KIF24: variants seen among roughly 807,000 people sequenced by gnomAD.
The protein encoded by KIF24 is kinesin family member 24.
A neutral mutation model predicts 118.9 loss-of-function variants in KIF24; 81 were observed. The ratio of observed to expected loss-of-function variants is 0.68; its 90% confidence interval spans 0.57 to 0.82. The LOEUF (loss-of-function observed/expected upper bound fraction) is 0.82, where lower values mean the gene tolerates loss of function less well. Among genes scored for constraint, KIF24 ranks in the 40% least tolerant of loss-of-function variants. The probability of loss-of-function intolerance (pLI) is 0.00; values close to 1 mark genes in which losing one functional copy is unlikely to be tolerated. For missense variants in KIF24, 1,560 were observed against 1,661.6 expected, an observed-to-expected ratio of 0.94 and a Z score of 1.06; for synonymous variants, 599 against 610.0, an observed-to-expected ratio of 0.98 and a Z score of 0.27.
At chr9:34,271,960 C>T (rs1197484903) in intron 6 of KIF24, 30 bp from the exon 7 acceptor site, 1 of 1,558,888 alleles carries the variant, frequency 6.4e-7, no homozygotes, top group Non-Finnish European at 8.7e-7. Context: ...GATGACTTCC[C>T]CAAGGAGTAA....
Position 34,269,359 on chromosome 9 carries a change from G to C in KIF24, c.1341C>G (p.Ile447Met). ...KDSAKRTFGR[I>M]SFIDLAGSER... ...CACTGCCAGCCAAGTCAATAAAAGA[G>C]ATCCTAGAGAAAAGACACAGCAGGA... is the stretch of plus-strand genomic sequence containing the variant. Residue 447 changes from isoleucine (I) to methionine (M), a missense_variant, in exon 8 of 13, where the codon ATC becomes ATG. Around this residue, in one of 3 missense-constraint regions of KIF24, gnomAD observed 964 missense variants for 988.0 expected, o/e 0.98. Coordinates refer to ENST00000402558, the MANE Select transcript of KIF24 (RefSeq NM_194313.4). 1 of 1,552,598 alleles carries C rather than the reference G, an allele frequency of 6.4e-7. No individual in the cohort carries two copies. The highest frequency in any genetic ancestry group is 1.4e-5 in the African/African-American group (1 of 73,564).
intron 1 of KIF24, chr9:34,319,427 G>A (rs1301981481): frequency 2.0e-6 from 2 of 1,024,902 alleles, no homozygotes; most frequent in Non-Finnish European, 1.5e-6. Flanking sequence ...TGCCACACAA[G>A]AAGGACCTGT....
chr9:34,265,317 C>T (rs189657285), intron 8 of KIF24, among the ~76,000 whole-genome samples: 1 of 152,052 alleles, frequency 6.6e-6, no homozygotes, highest in African/African-American at 2.4e-5. Flanking sequence ...TACAGGTGCG[C>T]ACCACCACAC....
At position 34,257,708 on chromosome 9, in the gene KIF24, G is replaced by A; in HGVS notation, c.1899C>T (p.Ser633=). Residue 633 remains serine (S), a synonymous_variant, in exon 11 of 13, where the codon TCC becomes TCT. Transcript: ENST00000402558. The part of the protein sequence containing the change: ...APKVSGKRGG[S]RGSPSQEWVI... ...CCCACTCTTGTGAAGGACTCCCTCT[G>A]GAGCCACCCCTTTTACCAGAGACCT... The A allele has an allele frequency of 5.0e-6, 8 of 1,614,010 alleles. No individual in the cohort carries two copies. Among genetic ancestry groups the A allele is most frequent in the Non-Finnish European group, 5.9e-6 (7 of 1,179,886 alleles).
At chr9:34,263,235 G>A (rs949633837) in intron 8 of KIF24, 63 bp from the exon 9 acceptor site, 4 of 1,175,176 alleles carry the variant, frequency 3.4e-6, no homozygotes, top group Non-Finnish European at 5.1e-6. Flanking sequence ...CAGACCTGAT[G>A]CCGCCTCCAC....
Position 34,255,120 on chromosome 9 carries a change from AG to A in KIF24, c.3917del (p.Ala1306ValfsTer10). On this transcript the variant is annotated frameshift_variant, in exon 12 of 13. Coordinates refer to ENST00000402558, the MANE Select transcript of KIF24 (RefSeq NM_194313.4). LOFTEE classifies it high-confidence loss of function. ...GCGTCTCCTCCTTGAAGCCGAGCTC[AG>A]CCATTTCATCCAGCTGTTCCTGGTG... ...RAHQEQLDEM[A>X]ELGFKEETLM... 6.3e-7 allele frequency: 1 copy of A among 1,596,032 alleles called. No individual in the cohort carries two copies. The highest frequency in any genetic ancestry group is 1.3e-5 in the African/African-American group (1 of 74,690).
chr9:34,265,673 G>A (rs548299158), intron 8 of KIF24, among the ~76,000 whole-genome samples: 25 of 151,894 alleles, frequency 1.6e-4, no homozygotes, highest in African/African-American at 5.8e-4. Flanking sequence ...AGAAAACTGC[G>A]ATAAAAATCT....
Position 34,280,713 on chromosome 9 carries a change from C to T in KIF24, c.1215+5904G>A, listed in dbSNP as rs545879524. ...TTGCACTAAAACAGACACACTCGGG[C>T]GCTATACTCAGGTTTTGGATCCCAG... is the stretch of plus-strand genomic sequence containing the variant. On this transcript the variant is annotated intron_variant, in intron 6 of 12. Transcript: ENST00000402558. Among the ~76,000 whole-genome samples, 16 of 152,170 alleles carry T rather than the reference C, an allele frequency of 1.1e-4. No individual in the cohort carries two copies. In the South Asian group the frequency reaches 3.3e-3, roughly 32 times the overall value.
rs1199776039 is a variant in KIF24, at chr9:34,253,666, AG to A, written c.*713del. ...TACAGAGGCCTTTCACCCGAGCAAAAGTCAGGAGAAAAATTGATGTGTGACA... is the reference window on the plus strand; with the variant it reads ...TACAGAGGCCTTTCACCCGAGCAAAATCAGGAGAAAAATTGATGTGTGACA... On this transcript the variant is annotated 3_prime_UTR_variant, in exon 13 of 13. Transcript: ENST00000402558. 6.6e-6 allele frequency: 1 copy of A among 152,228 alleles called. No homozygotes were observed. Among genetic ancestry groups the A allele is most frequent in the Non-Finnish European group, 1.5e-5 (1 of 68,080 alleles). 9.4% of individuals were successfully genotyped at this position (152,228 alleles called of 1,614,324 possible). A position where few individuals can be genotyped will look rare whatever the true frequency, so the allele number is the denominator to read the frequency against.
rs1046671498 is a variant in KIF24, at chr9:34,309,466, G to A, written c.623+1258C>T. Among the ~76,000 whole-genome samples the A allele has an allele frequency of 1.3e-4, 19 of 150,952 alleles. 1 individual carries two copies. Among genetic ancestry groups the A allele is most frequent in the African/African-American group, 4.6e-4 (19 of 41,040 alleles). The stretch of plus-strand genomic sequence containing the variant: ...TGAGGCAGGAGAATGGCATGAACCC[G>A]GGAGGCGGAGCTTGCAGTGAGCAGA... On this transcript the variant is annotated intron_variant, in intron 2 of 12. Transcript: ENST00000402558.
rs1837420374 is a variant in KIF24, at chr9:34,318,872, G to A, written c.-25-7501C>T. The stretch of plus-strand genomic sequence containing the variant: ...CAGCAGCAAGCAGCACTACAACTGC[G>A]AGCACTCCAAGATCAATTTCCATGA... On this transcript the variant is annotated intron_variant, in intron 1 of 12. Transcript: ENST00000402558. This position sits in a 1 kb window ranked among gnomAD's most constrained non-coding sequence, Gnocchi z 4.9. The A allele has an allele frequency of 9.4e-6, 15 of 1,600,988 alleles. No homozygotes were observed. In the South Asian group the frequency reaches 1.5e-4, roughly 16 times the overall value.
chr9:34,300,774 T>C (rs1836669148), intron 3 of KIF24, among the ~76,000 whole-genome samples: 1 of 149,940 alleles, frequency 6.7e-6, no homozygotes, highest in African/African-American at 2.5e-5. Context: ...GTTTTTATAG[T>C]TAAGTATGAA....
At chr9:34,284,146 T>C (rs979223558) in intron 6 of KIF24, among the ~76,000 whole-genome samples, 2 of 152,056 alleles carry the variant, frequency 1.3e-5, no homozygotes, top group African/African-American at 4.8e-5. Context: ...CATATGCTTG[T>C]GGTCCCAGCT....
chr9:34,272,564 G>A (rs577374581), intron 6 of KIF24, among the ~76,000 whole-genome samples: 1 of 152,326 alleles, frequency 6.6e-6, no homozygotes, highest in African/African-American at 2.4e-5. Flanking sequence ...AGCCATTTAA[G>A]AACATGCTGC....
intron 7 of KIF24, among the ~76,000 whole-genome samples, chr9:34,270,531 A>AG (rs1835465600): frequency 6.6e-6 from 1 of 150,694 alleles, no homozygotes; most frequent in Non-Finnish European, 1.5e-5. Context: ...AAAAAAAAAA[A>AG]GAAAAGAAAA....
At chr9:34,291,143 T>C (rs1836240527) in intron 4 of KIF24, among the ~76,000 whole-genome samples, 1 of 152,182 alleles carries the variant, frequency 6.6e-6, no homozygotes, top group South Asian at 2.1e-4. Context: ...AAGATGGTAG[T>C]GACCACTCAT....
At chr9:34,308,183 G>A (rs148601052) in intron 2 of KIF24, among the ~76,000 whole-genome samples, 8 of 152,248 alleles carry the variant, frequency 5.3e-5, no homozygotes, top group Admixed American at 5.2e-4. Flanking sequence ...GCCCAGGCTG[G>A]CCTCGAACTC....
Position 34,291,083 on chromosome 9 carries a change from AAAG to A in KIF24, c.912-697_912-695del, listed in dbSNP as rs1276030244. On this transcript the variant is annotated intron_variant, in intron 4 of 12. Coordinates refer to ENST00000402558, the MANE Select transcript of KIF24 (RefSeq NM_194313.4). Reference sequence around the variant, plus strand: ...TTAATCTGAAAAGTTAAATTTAGTGAAAGAATAGAGAATTAAATACGAGAAATA... The same window carrying A: ...TTAATCTGAAAAGTTAAATTTAGTGAAATAGAGAATTAAATACGAGAAATA... 2.0e-5 allele frequency among the ~76,000 whole-genome samples: 3 copies of A among 152,308 alleles called. No individual in the cohort carries two copies. The East Asian group carries it at 5.8e-4, about 29-fold the overall frequency.
intron 3 of KIF24, among the ~76,000 whole-genome samples, chr9:34,303,142 T>TGG (rs1430663383): frequency 6.6e-6 from 1 of 151,828 alleles, no homozygotes; most frequent in Non-Finnish European, 1.5e-5. Context: ...TTTGAACCCC[T>TGG]GGGCTCAAGT....
Sources: gnomAD v4.1 joint callset for allele counts (sites outside exome capture counted in the v4.1 genomes callset) on GRCh38, gnomAD v4.1.1 for gene constraint, gnomAD v4.1.1 regional missense constraint, Gnocchi (gnomAD v3.1) non-coding constraint, MANE v1.5 for transcripts, NCBI Gene and HGNC (gene_info 2026-07-23, HGNC 2026-07-21) for gene names.